ZNF606: variants seen among roughly 807,000 people sequenced by gnomAD.
ZNF606 encodes the protein zinc finger protein 328.
Under a neutral mutation model 74.9 loss-of-function variants are expected in ZNF606, and 37 were observed. The ratio of observed to expected loss-of-function variants is 0.49; its 90% CI spans 0.38 to 0.65. ZNF606 has a LOEUF of 0.65. ZNF606 is among the 30% of genes least tolerant of loss of function. ZNF606 has a pLI of 0.00. For missense variants in ZNF606, 852 were observed against 952.9 expected, an observed-to-expected ratio of 0.89 and a Z score of 1.39; for synonymous variants, 328 against 312.4, an observed-to-expected ratio of 1.05 and a Z score of -0.53.
At chr19:57,996,969 C>T (rs2073349811) in intron 4 of ZNF606, among the ~76,000 whole-genome samples, 1 of 152,184 alleles carries the variant, frequency 6.6e-6, no homozygotes. Context: ...GAAGGAGAGA[C>T]CAAAGGTGCT....
At chr19:57,990,803 C>T (rs910216614) in intron 4 of ZNF606, among the ~76,000 whole-genome samples, 14 of 152,128 alleles carry the variant, frequency 9.2e-5, no homozygotes, top group African/African-American at 3.1e-4. Flanking sequence ...ATTGCTTCCC[C>T]TCTACCTTCA....
At position 57,979,159 on chromosome 19, in the gene ZNF606, T is replaced by C. The variant is rs767050169; in HGVS notation, c.1521A>G (p.Thr507=). 3.7e-6 allele frequency: 6 copies of C among 1,614,006 alleles called. No individual in the cohort carries two copies. The South Asian group carries it at 6.6e-5, about 18-fold the overall frequency. Residue 507 remains threonine, a synonymous_variant, in exon 7 of 7, where the codon ACA becomes ACG. Coordinates refer to ENST00000551380, the MANE Select transcript of ZNF606 (RefSeq NM_001348022.3). ...SHLIGHQRTH[T]GEKPFECTEC... ...CAGTACATTCAAAAGGTTTCTCTCC[T>C]GTATGAGTCCTCTGATGTCCAATAA...
At chr19:57,986,909 C>A (rs1417048665) in intron 6 of ZNF606, among the ~76,000 whole-genome samples, 1 of 152,038 alleles carries the variant, frequency 6.6e-6, no homozygotes, top group African/African-American at 2.4e-5. Flanking sequence ...TATAGTGAGA[C>A]CTTGTCTCTA....
At chr19:57,988,089 C>G (rs1188623840) in intron 6 of ZNF606, 118 bp downstream of exon 6, 1 of 716,294 alleles carries the variant, frequency 1.4e-6, no homozygotes, top group African/African-American at 1.8e-5. Context: ...GAGAAGAAAG[C>G]TCCTTAGAGG....
chr19:57,999,629 A>C (rs1278401543), intron 4 of ZNF606, 179 bp downstream of exon 4: 5 of 617,572 alleles, frequency 8.1e-6, no homozygotes, highest in African/African-American at 5.5e-5. Flanking sequence ...GTTGACACTA[A>C]GGCTCCGAAT....
chr19:57,984,018 A>G (rs187736744), intron 6 of ZNF606, among the ~76,000 whole-genome samples: 2 of 152,314 alleles, frequency 1.3e-5, no homozygotes, highest in African/African-American at 4.8e-5. Context: ...ACAAGTGAGA[A>G]TTTCCTCATC....
rs1287911799 is a variant in ZNF606, at chr19:58,002,624, G to C, written c.-280C>G. On this transcript the variant is annotated 5_prime_UTR_variant, in exon 1 of 7. Coordinates refer to ENST00000551380, the MANE Select transcript of ZNF606 (RefSeq NM_001348022.3). ...GCCCGGAGGCGGGAGGCCGGAGGCAGGCTGCTGGCTGGAGAACCGACGGCA... is the reference window on the plus strand; with the variant it reads ...GCCCGGAGGCGGGAGGCCGGAGGCACGCTGCTGGCTGGAGAACCGACGGCA... The C allele has an allele frequency of 2.2e-6, 1 of 452,152 alleles. No homozygotes were observed. The highest frequency in any genetic ancestry group is 4.4e-6 in the Non-Finnish European group (1 of 224,962). The allele number at this position is 452,152 out of a possible 1,614,324, so 28.0% of individuals were successfully genotyped here. A position where few individuals can be genotyped will look rare whatever the true frequency, so the allele number is the denominator to read the frequency against.
At position 58,001,419 on chromosome 19, in the gene ZNF606, A is replaced by G. The variant is rs548443721; in HGVS notation, c.-51-49T>C. On this transcript the variant is annotated intron_variant, in intron 1 of 6. Coordinates refer to ENST00000551380, the MANE Select transcript of ZNF606 (RefSeq NM_001348022.3). ...CAAAACTAGTCCTTTCTCACAGAAG[A>G]CCAAGTGGGAACAAAGAAGGGAATC... 1.1e-4 allele frequency: 158 copies of G among 1,449,642 alleles called. 1 individual carries two copies. The African/African-American group carries it at 1.9e-3, about 18-fold the overall frequency. The allele number at this position is 1,449,642 out of a possible 1,614,324, so 89.8% of individuals were successfully genotyped here. A position where few individuals can be genotyped will look rare whatever the true frequency, so the allele number is the denominator to read the frequency against.
rs769144811 is a variant in ZNF606, at chr19:57,979,459, C to T, written c.1221G>A (p.Thr407=). Residue 407 remains threonine, a synonymous_variant, in exon 7 of 7, where the codon ACG becomes ACA. Transcript: ENST00000551380. ...EKPYDYNECG[T]SFIWSSYLIQ... ...TAAGGTAAGAGCTCCAGATGAAAGA[C>T]GTCCCACATTCATTGTAGTCATAGG... is the stretch of plus-strand genomic sequence containing the variant. 2.0e-5 allele frequency: 33 copies of T among 1,614,000 alleles called. No individual in the cohort carries two copies. Among genetic ancestry groups the T allele is most frequent in the Admixed American group, 1.0e-4 (6 of 60,008 alleles).
chr19:57,979,796 A>G lies in ZNF606; in HGVS notation c.884T>C (p.Val295Ala). ...GDNLFKCTDA[V>A]KSFNHIIHFG... ...ATGTATTATATGATTGAAAGATTTAACAGCATCAGTACATTTGAAAAGATT... is the reference window on the plus strand; with the variant it reads ...ATGTATTATATGATTGAAAGATTTAGCAGCATCAGTACATTTGAAAAGATT... The change falls in exon 7 of 7, where the codon GTT becomes GCT. Residue 295 changes from valine to alanine, a missense_variant. Coordinates refer to ENST00000551380, the MANE Select transcript of ZNF606 (RefSeq NM_001348022.3). 6.2e-7 allele frequency: 1 copy of G among 1,613,414 alleles called. No homozygotes were observed. Among genetic ancestry groups the G allele is most frequent in the Non-Finnish European group, 8.5e-7 (1 of 1,179,998 alleles).
chr19:57,992,199 T>C (rs1462544827), intron 4 of ZNF606, among the ~76,000 whole-genome samples: 1 of 152,176 alleles, frequency 6.6e-6, no homozygotes, highest in East Asian at 1.9e-4. Context: ...GCAATGACCA[T>C]CAATGACTGC....
At chr19:57,982,936 C>G (rs1292228189) in intron 6 of ZNF606, among the ~76,000 whole-genome samples, 2 of 152,032 alleles carry the variant, frequency 1.3e-5, no homozygotes, top group Non-Finnish European at 2.9e-5. Flanking sequence ...TGTGAACCCC[C>G]ATCCCTGGCC....
intron 6 of ZNF606, among the ~76,000 whole-genome samples, chr19:57,982,447 T>C (rs28620462): frequency 0.15 from 22,503 of 152,138 alleles, 1,681 homozygotes; most frequent in African/African-American, 0.17. Flanking sequence ...CCTTTTGCCA[T>C]ACAAGGTGCC....
In ZNF606 at chr19:57,979,453, G is replaced by T. The variant is rs762504092; in HGVS notation, c.1227C>A (p.Phe409Leu). ...GTTGAATAAGGTAAGAGCTCCAGAT[G>T]AAAGACGTCCCACATTCATTGTAGT... ...PYDYNECGTS[F>L]IWSSYLIQHK... The change falls in exon 7 of 7, where the codon TTC becomes TTA. Residue 409 changes from phenylalanine to leucine, a missense_variant. Around this residue, in one of 3 missense-constraint regions of ZNF606, gnomAD observed 545 missense variants for 542.5 expected, o/e 1.00. Coordinates refer to ENST00000551380, the MANE Select transcript of ZNF606 (RefSeq NM_001348022.3). 6.2e-7 allele frequency: 1 copy of T among 1,614,120 alleles called. No individual in the cohort carries two copies.
chr19:57,985,331 GCCTCATTCTCAAAGAACACTCAT>G (rs1191220736), intron 6 of ZNF606, among the ~76,000 whole-genome samples: 2 of 152,256 alleles, frequency 1.3e-5, no homozygotes, highest in East Asian at 3.9e-4. Flanking sequence ...CTTTTTCAAA[GCCTCATTCTCAAAGAACACTCAT>G]TACTAGACCT....
intron 6 of ZNF606, among the ~76,000 whole-genome samples, chr19:57,981,100 T>C (rs1224074843): frequency 6.6e-6 from 1 of 152,218 alleles, no homozygotes; most frequent in Non-Finnish European, 1.5e-5. Context: ...GTTTCAGCGA[T>C]GGCAGTGAGT....
intron 4 of ZNF606, among the ~76,000 whole-genome samples, chr19:57,995,311 C>T (rs1441302115): frequency 6.6e-6 from 1 of 151,448 alleles, no homozygotes; most frequent in Admixed American, 6.6e-5. Flanking sequence ...AATGTTCACA[C>T]AGCTTTCACT....
rs367740753 is a variant in ZNF606 at position 57,979,427 on chromosome 19, T to A, written c.1253A>T (p.His418Leu). ...TTTTTCTCCAGTATGAGTTTTCTTATGTTGAATAAGGTAAGAGCTCCAGAT... is the reference window on the plus strand; with the variant it reads ...TTTTTCTCCAGTATGAGTTTTCTTAAGTTGAATAAGGTAAGAGCTCCAGAT... ...SFIWSSYLIQ[H>L]KKTHTGEKPY... The change falls in exon 7 of 7, where the codon CAT (histidine) becomes CTT (leucine). Residue 418 changes from histidine to leucine, a missense_variant. This residue lies in a region of ZNF606 where 545 missense variants were observed against 542.5 expected (regional missense o/e 1.00). Coordinates refer to ENST00000551380, the MANE Select transcript of ZNF606 (RefSeq NM_001348022.3). 5.6e-6 allele frequency: 9 copies of A among 1,613,938 alleles called. No individual in the cohort carries two copies. Among genetic ancestry groups the A allele is most frequent in the African/African-American group, 2.7e-5 (2 of 74,926 alleles).
chr19:58,003,015 C>T, upstream of ZNF606: 1 of 443,462 alleles, frequency 2.3e-6, no homozygotes, highest in South Asian at 1.6e-5. Context: ...CCACCCTCCT[C>T]CACCGTCGCC....
Sources: gnomAD v4.1 joint callset for allele counts (sites outside exome capture counted in the v4.1 genomes callset) on GRCh38, gnomAD v4.1.1 for gene constraint, gnomAD v4.1.1 regional missense constraint, MANE v1.5 for transcripts, NCBI Gene and HGNC (gene_info 2026-07-23, HGNC 2026-07-21) for gene names.